TMX4: variants seen among roughly 807,000 people sequenced by gnomAD.
TMX4 encodes the protein thioredoxin-related transmembrane protein 4.
Under a neutral mutation model 33.3 loss-of-function variants are expected in TMX4, and 23 were observed. The observed-to-expected ratio is 0.69, with a 90% CI of 0.50 to 0.98. The LOEUF (loss-of-function observed/expected upper bound fraction) is 0.98, where lower values mean the gene tolerates loss of function less well. TMX4 is among the 50% of genes least tolerant of loss of function. The probability of loss-of-function intolerance (pLI) is 0.00; values close to 1 mark genes in which losing one functional copy is unlikely to be tolerated. For missense variants in TMX4, 399 were observed against 448.9 expected (o/e 0.89, Z 1.01); for synonymous variants, 164 against 161.5 (o/e 1.02, Z -0.12).
intron 2 of TMX4, among the ~76,000 whole-genome samples, chr20:8,003,008 T>C (rs1038290755): frequency 9.9e-5 from 15 of 152,142 alleles, no homozygotes; most frequent in East Asian, 1.9e-4. Context: ...CAACTGAGGA[T>C]TGTAACAAGC....
intron 5 of TMX4, among the ~76,000 whole-genome samples, chr20:7,995,207 C>T (rs987743394): frequency 6.6e-6 from 1 of 152,130 alleles, no homozygotes; most frequent in Non-Finnish European, 1.5e-5. Context: ...CCAAACATGA[C>T]ACCATAACCT....
rs1174608828 is a variant in TMX4 at position 7,980,134 on chromosome 20, T to A, written c.*2117A>T. On this transcript the variant is annotated 3_prime_UTR_variant, in exon 8 of 8. Transcript: ENST00000246024. ...GATTGTTGGAACGGAATGTTCAACC[T>A]GTACTATTTGGGGTCCGGTTGGAAA... 4 of 152,210 alleles carry A rather than the reference T, an allele frequency of 2.6e-5. No homozygotes were observed. In the East Asian group the frequency reaches 5.8e-4, roughly 22 times the overall value. 9.4% of individuals were successfully genotyped at this position (152,210 alleles called of 1,614,324 possible).
intron 4 of TMX4, among the ~76,000 whole-genome samples, chr20:7,996,624 G>T (rs572078195): frequency 6.6e-6 from 1 of 152,040 alleles, no homozygotes; most frequent in African/African-American, 2.4e-5. Flanking sequence ...GTTATGACAG[G>T]AAAAGTCTAA....
chr20:7,993,434 C>T (rs914539586), intron 5 of TMX4, among the ~76,000 whole-genome samples: 4 of 152,158 alleles, frequency 2.6e-5, no homozygotes, highest in Non-Finnish European at 5.9e-5. Flanking sequence ...GAAGAGTCAG[C>T]TAAATGAGCT....
At chr20:8,010,365 G>A in intron 1 of TMX4, 50 bp from the exon 2 acceptor site, 1 of 1,169,378 alleles carries the variant, frequency 8.6e-7, no homozygotes, top group South Asian at 1.9e-5. Context: ...GAAGAAATCT[G>A]CAAAACAGAG....
At chr20:8,011,407 T>A (rs1169681969) in intron 1 of TMX4, among the ~76,000 whole-genome samples, 1 of 151,916 alleles carries the variant, frequency 6.6e-6, no homozygotes, top group Non-Finnish European at 1.5e-5. Context: ...CAAAGTTGCC[T>A]GTCAGGTCAT....
intron 5 of TMX4, among the ~76,000 whole-genome samples, chr20:7,990,971 A>G (rs1406561880): frequency 2.0e-5 from 3 of 152,182 alleles, no homozygotes; most frequent in Non-Finnish European, 4.4e-5. Flanking sequence ...AAACATTCTA[A>G]ACATTTTTAT....
At chr20:8,008,740 A>C (rs1403343581) in intron 2 of TMX4, among the ~76,000 whole-genome samples, 1 of 152,204 alleles carries the variant, frequency 6.6e-6, no homozygotes, top group African/African-American at 2.4e-5. Context: ...TAAACTCTAA[A>C]GATGAAAACA....
chr20:7,987,805 A>C lies in TMX4; in HGVS notation c.514-416T>G, dbSNP rs151205778. ...ACGACTTACAGAACGTCAATCATTT[A>C]AAATGTCTCCATACCTCTTTTTCCT... On this transcript the variant is annotated intron_variant, in intron 5 of 7. Transcript: ENST00000246024. 8.5e-3 allele frequency among the ~76,000 whole-genome samples: 1,293 copies of C among 152,316 alleles called. 10 individuals are homozygous for C. Among genetic ancestry groups the C allele is most frequent in the Middle Eastern group, 0.014 (4 of 294 alleles).
At chr20:8,017,464 A>T (rs2050780755) in intron 1 of TMX4, among the ~76,000 whole-genome samples, 1 of 152,230 alleles carries the variant, frequency 6.6e-6, no homozygotes, top group African/African-American at 2.4e-5. Flanking sequence ...AAAAAAGTAA[A>T]ATTTGAACCA....
intron 4 of TMX4, among the ~76,000 whole-genome samples, chr20:7,997,899 T>C (rs1305096339): frequency 6.6e-6 from 1 of 152,194 alleles, no homozygotes; most frequent in Non-Finnish European, 1.5e-5. Context: ...TTCTCATGAA[T>C]AGTTTAGCAC....
At chr20:7,990,819 C>T (rs1007385756) in intron 5 of TMX4, among the ~76,000 whole-genome samples, 5 of 152,210 alleles carry the variant, frequency 3.3e-5, no homozygotes, top group African/African-American at 7.2e-5. Flanking sequence ...CTAGAAAAGA[C>T]TCTTCAATGA....
rs144787670 is a variant in TMX4 at position 7,982,376 on chromosome 20, G to A, written c.925C>T (p.Arg309Trp). The A allele has an allele frequency of 1.6e-5, 26 of 1,613,916 alleles. No homozygotes were observed. The East Asian group carries it at 2.2e-4, about 14-fold the overall frequency. ...GCCTCCTCAGGCTCTACTTCCTCCCGGGTCACACCGTCCTCTCCTGGGGGC... is the reference window on the plus strand; with the variant it reads ...GCCTCCTCAGGCTCTACTTCCTCCCAGGTCACACCGTCCTCTCCTGGGGGC... ...QGPPGEDGVT[R>W]EEVEPEEAEE... The change falls in exon 8 of 8, where the codon CGG becomes TGG. Residue 309 changes from arginine (R) to tryptophan (W), a missense_variant. Transcript: ENST00000246024.
intron 5 of TMX4, among the ~76,000 whole-genome samples, chr20:7,992,834 T>C (rs1296322395): frequency 2.0e-5 from 3 of 152,242 alleles, no homozygotes. Flanking sequence ...CTTCTAGATA[T>C]CTTCTAGATA....
chr20:8,016,517 G>A (rs2050776242), intron 1 of TMX4, among the ~76,000 whole-genome samples: 1 of 152,038 alleles, frequency 6.6e-6, no homozygotes, highest in Non-Finnish European at 1.5e-5. Context: ...TTAAAACACT[G>A]GAAATTCAAT....
At position 7,981,943 on chromosome 20, in the gene TMX4, G is replaced by A; in HGVS notation, c.*308C>T. On this transcript the variant is annotated 3_prime_UTR_variant, in exon 8 of 8. Coordinates refer to ENST00000246024, the MANE Select transcript of TMX4 (RefSeq NM_021156.4). ...GCCTGCAGCCTTGTCTCTGGAAGGT[G>A]CTGATTAGGACTGGGAATGGCCTCC... 3.8e-6 allele frequency: 1 copy of A among 263,026 alleles called. No homozygotes were observed. Among genetic ancestry groups the A allele is most frequent in the South Asian group, 8.6e-5 (1 of 11,652 alleles). 16.3% of individuals were successfully genotyped at this position (263,026 alleles called of 1,614,324 possible). A position where few individuals can be genotyped will look rare whatever the true frequency, so the allele number is the denominator to read the frequency against.
chr20:7,999,706 CACCTTG>C lies in TMX4; in HGVS notation c.467+20_467+25del. 6.2e-7 allele frequency: 1 copy of C among 1,604,602 alleles called. No homozygotes were observed. Among genetic ancestry groups the C allele is most frequent in the Non-Finnish European group, 8.5e-7 (1 of 1,177,022 alleles). ...TTAAAACCTCCTGTTTTATTAGTAA[CACCTTG>C]TCTTAAAAAATTGAGTTACGTTAGA... On this transcript the variant is annotated intron_variant, in intron 4 of 7. Transcript: ENST00000246024.
chr20:8,019,600 C>T lies in TMX4; in HGVS notation c.14G>A (p.Arg5His). 1 of 1,348,428 alleles carries T rather than the reference C, an allele frequency of 7.4e-7. No individual in the cohort carries two copies. The highest frequency in any genetic ancestry group is 1.9e-5 in the South Asian group (1 of 52,644). 83.5% of individuals were successfully genotyped at this position (1,348,428 alleles called of 1,614,324 possible). Residue 5 changes from arginine to histidine, a missense_variant, in exon 1 of 8, where the codon CGC becomes CAC. Physicochemically the swap from Arg to His is conservative, Grantham distance 29. Transcript: ENST00000246024. MAGGRCGPQLTALLA... is the reference protein window; with the variant it reads MAGGHCGPQLTALLA... ...GAGCGCCGTTAGCTGCGGGCCGCAGCGCCCACCCGCCATGTTGGGCGCCGA... is the reference window on the plus strand; with the variant it reads ...GAGCGCCGTTAGCTGCGGGCCGCAGTGCCCACCCGCCATGTTGGGCGCCGA...
rs954450002 is a variant in TMX4 at position 8,006,567 on chromosome 20, T to C, written c.292+3633A>G. 3.9e-5 allele frequency among the ~76,000 whole-genome samples: 6 copies of C among 152,228 alleles called. No homozygotes were observed. In the East Asian group the frequency reaches 9.7e-4, roughly 25 times the overall value. On this transcript the variant is annotated intron_variant, in intron 2 of 7. Transcript: ENST00000246024. ...AGTTTTTACTATTCATTCAAGACGT[T>C]AGTGTTTGTAAAAAGTAAATAAATA...
Sources: allele counts gnomAD v4.1 joint callset (sites outside exome capture counted in the v4.1 genomes callset), GRCh38; gene constraint gnomAD v4.1.1; transcripts MANE v1.5; gene names NCBI Gene and HGNC (gene_info 2026-07-23, HGNC 2026-07-21).